The following NKX2-4 variants were observed in gnomAD, a reference collection of about 807,000 sequenced individuals.
The protein encoded by NKX2-4 is NK2 homeobox 4, also known as homeobox protein Nkx-2.4.
In NKX2-4, 6 loss-of-function variants were observed where a neutral mutation model predicts 8.6. The observed-to-expected ratio is 0.70, with a 90% CI of 0.38 to 1.38. The LOEUF (loss-of-function observed/expected upper bound fraction) is 1.38. Ranked by LOEUF, NKX2-4 falls within the 40% of genes most tolerant of loss-of-function variation. The probability of loss-of-function intolerance (pLI) is 0.02; values close to 1 mark genes in which losing one functional copy is unlikely to be tolerated. For missense variants in NKX2-4, 601 were observed against 548.4 expected (o/e 1.10, Z -0.96); for synonymous variants, 299 against 272.6 (o/e 1.10, Z -0.95).
In NKX2-4 at chr20:21,397,509, G is replaced by C; in HGVS notation, c.-110C>G. 1 of 1,186,850 alleles carries C rather than the reference G, an allele frequency of 8.4e-7. No individual in the cohort carries two copies. 73.5% of individuals were successfully genotyped at this position (1,186,850 alleles called of 1,614,324 possible). ...GCAGCTGAGCCTGTGACGAGGAGTC[G>C]GCGGCTCGGCGAGCCCCCCGGGCTG... On this transcript the variant is annotated 5_prime_UTR_variant, in exon 1 of 2. Coordinates refer to ENST00000351817, the MANE Select transcript of NKX2-4 (RefSeq NM_033176.2).
At position 21,397,200 on chromosome 20, in the gene NKX2-4, G is replaced by T; in HGVS notation, c.200C>A (p.Pro67His). 1 of 1,255,178 alleles carries T rather than the reference G, an allele frequency of 8.0e-7. No homozygotes were observed. 77.8% of individuals were successfully genotyped at this position (1,255,178 alleles called of 1,614,324 possible). The change falls in exon 1 of 2, where the codon CCT (proline) becomes CAT (histidine). Residue 67 changes from proline to histidine, a missense_variant. Transcript: ENST00000351817. ...GTTGTGACCCGCCATGGCGTGAGAA[G>T]GCTGCATGCCCGCCACGGTCGCCGC... ...SQAATVAGMQ[P>H]SHAMAGHNAA...
Position 21,396,196 on chromosome 20 carries a change from G to T in NKX2-4, c.780C>A (p.Gly260=). 3 of 1,546,982 alleles carry T rather than the reference G, an allele frequency of 1.9e-6. No homozygotes were observed. Among genetic ancestry groups the T allele is most frequent in the Non-Finnish European group, 2.6e-6 (3 of 1,150,866 alleles). ...DKAAQQLQQE[G]GLGPPPPPPP... is the part of the protein sequence containing the mutation. ...GCGGAGGCGGCGGCGGGCCCAGGCC[G>T]CCCTCCTGCTGCAGCTGCTGCGCCG... The change falls in exon 2 of 2, where the codon GGC becomes GGA. Residue 260 remains glycine (G), a synonymous_variant. Coordinates refer to ENST00000351817, the MANE Select transcript of NKX2-4 (RefSeq NM_033176.2).
At chr20:21,396,820 G>C (rs982808634) in intron 1 of NKX2-4, 138 bp downstream of exon 1, 1 of 746,822 alleles carries the variant, frequency 1.3e-6, no homozygotes. Context: ...CCCGGGCCGC[G>C]TCCCAGGACG....
Position 21,397,489 on chromosome 20 carries a change from T to A in NKX2-4, c.-90A>T. ...TCGCCGCCACCTCGGCCGCGGCAGC[T>A]GAGCCTGTGACGAGGAGTCGGCGGC... On this transcript the variant is annotated 5_prime_UTR_variant, in exon 1 of 2. Transcript: ENST00000351817. The A allele has an allele frequency of 8.3e-7, 1 of 1,212,054 alleles. No individual in the cohort carries two copies. Among genetic ancestry groups the A allele is most frequent in the Non-Finnish European group, 1.0e-6 (1 of 977,984 alleles). 75.1% of individuals were successfully genotyped at this position (1,212,054 alleles called of 1,614,324 possible). A position where few individuals can be genotyped will look rare whatever the true frequency, so the allele number is the denominator to read the frequency against.
At position 21,396,999 on chromosome 20, in the gene NKX2-4, G is replaced by A. The variant is rs1395057967; in HGVS notation, c.401C>T (p.Thr134Ile). The A allele has an allele frequency of 4.1e-6, 6 of 1,478,074 alleles. No homozygotes were observed. The highest frequency in any genetic ancestry group is 5.4e-6 in the Non-Finnish European group (6 of 1,118,250). 91.6% of individuals were successfully genotyped at this position (1,478,074 alleles called of 1,614,324 possible). A position where few individuals can be genotyped will look rare whatever the true frequency, so the allele number is the denominator to read the frequency against. Residue 134 changes from threonine to isoleucine, a missense_variant, in exon 1 of 2, where the codon ACC (threonine) becomes ATC (isoleucine). Physicochemically the swap from Thr to Ile is moderately conservative, Grantham distance 89. Transcript: ENST00000351817. ...GTCCGGGTTGGCGCCGTACCAGCCG[G>A]TGGCCGCGCCGCCCCGCATGCCGTC... ...YTDGMRGGAA[T>I]GWYGANPDPR... is the part of the protein sequence containing the mutation.
At chr20:21,396,805 C>T (rs146009377) in intron 1 of NKX2-4, among the ~76,000 whole-genome samples, 153 bp downstream of exon 1, 5 of 150,880 alleles carry the variant, frequency 3.3e-5, no homozygotes, top group African/African-American at 9.7e-5. Context: ...AGAAACCCCG[C>T]GCGTCCCGGG....
rs2039009993 is a variant in NKX2-4, at chr20:21,395,747, G to T, written c.*164C>A. 2.0e-6 allele frequency: 1 copy of T among 507,334 alleles called. No homozygotes were observed. Among genetic ancestry groups the T allele is most frequent in the Non-Finnish European group, 3.1e-6 (1 of 324,510 alleles). 31.4% of individuals were successfully genotyped at this position (507,334 alleles called of 1,614,324 possible). ...GGTTTCCGGGCTGTCGCTGTCCCCC[G>T]CCCCCAGCAAGAGGTTCACAGCCTG... On this transcript the variant is annotated 3_prime_UTR_variant, in exon 2 of 2. Coordinates refer to ENST00000351817, the MANE Select transcript of NKX2-4 (RefSeq NM_033176.2).
chr20:21,397,168 C>T lies in NKX2-4; in HGVS notation c.232G>A (p.Ala78Thr), dbSNP rs1232098855. The T allele has an allele frequency of 1.6e-6, 2 of 1,263,550 alleles. No individual in the cohort carries two copies. Among genetic ancestry groups the T allele is most frequent in the Admixed American group, 4.4e-5 (1 of 22,964 alleles). The allele number at this position is 1,263,550 out of a possible 1,614,324, so 78.3% of individuals were successfully genotyped here. Residue 78 changes from alanine to threonine, a missense_variant, in exon 1 of 2, where the codon GCC becomes ACC. Ala to Thr is a moderately conservative substitution (Grantham distance 58, BLOSUM62 0). Coordinates refer to ENST00000351817, the MANE Select transcript of NKX2-4 (RefSeq NM_033176.2). ...GCAGCTGCTGCCGCCGCCGCCGCGG[C>T]CGCCGCGTTGTGACCCGCCATGGCG... ...SHAMAGHNAA[A>T]AAAAAAAAAA...
rs1224852176 is a variant in NKX2-4, at chr20:21,396,508, C to T, written c.468G>A (p.Ala156=). ...SSISRFMGPS[A]GVNVAGMGSL... The stretch of plus-strand genomic sequence containing the variant: ...ACCCCATGCCGGCCACATTCACGCC[C>T]GCCGACGGCCCCATGAACCTGGAGA... The change falls in exon 2 of 2, where the codon GCG becomes GCA. Residue 156 remains alanine (A), a synonymous_variant. Transcript: ENST00000351817. The T allele has an allele frequency of 4.9e-6, 7 of 1,436,972 alleles. No individual in the cohort carries two copies. The highest frequency in any genetic ancestry group is 6.3e-6 in the Non-Finnish European group (7 of 1,110,620). The allele number at this position is 1,436,972 out of a possible 1,614,324, so 89.0% of individuals were successfully genotyped here. A position where few individuals can be genotyped will look rare whatever the true frequency, so the allele number is the denominator to read the frequency against.
At position 21,397,389 on chromosome 20, in the gene NKX2-4, C is replaced by T. The variant is rs2039038147; in HGVS notation, c.11G>A (p.Ser4Asn). Residue 4 changes from serine (S) to asparagine (N), a missense_variant, in exon 1 of 2, where the codon AGC becomes AAC. Coordinates refer to ENST00000351817, the MANE Select transcript of NKX2-4 (RefSeq NM_033176.2). ...GGAGAAGGGCGTCGTGTGCTTTGGG[C>T]TCAACGACATGGCTCGGCGGGCAGC... MSL[S>N]PKHTTPFSVS... is the part of the protein sequence containing the mutation. The T allele has an allele frequency of 7.1e-7, 1 of 1,410,600 alleles. No homozygotes were observed. The highest frequency in any genetic ancestry group is 9.2e-7 in the Non-Finnish European group (1 of 1,081,478). 87.4% of individuals were successfully genotyped at this position (1,410,600 alleles called of 1,614,324 possible).
In NKX2-4 at chr20:21,397,489, T is replaced by C; in HGVS notation, c.-90A>G. 1 of 1,212,054 alleles carries C rather than the reference T, an allele frequency of 8.3e-7. No individual in the cohort carries two copies. The highest frequency in any genetic ancestry group is 1.0e-6 in the Non-Finnish European group (1 of 977,984). 75.1% of individuals were successfully genotyped at this position (1,212,054 alleles called of 1,614,324 possible). On this transcript the variant is annotated 5_prime_UTR_variant, in exon 1 of 2. Transcript: ENST00000351817. ...TCGCCGCCACCTCGGCCGCGGCAGC[T>C]GAGCCTGTGACGAGGAGTCGGCGGC...
At position 21,396,354 on chromosome 20, in the gene NKX2-4, A is replaced by G; in HGVS notation, c.622T>C (p.Phe208Leu). The G allele has an allele frequency of 6.3e-7, 1 of 1,599,538 alleles. No individual in the cohort carries two copies. The highest frequency in any genetic ancestry group is 8.5e-7 in the Non-Finnish European group (1 of 1,174,964). The change falls in exon 2 of 2, where the codon TTC becomes CTC. Residue 208 changes from phenylalanine to leucine, a missense_variant. Phe to Leu is a conservative substitution (Grantham distance 22, BLOSUM62 0). Coordinates refer to ENST00000351817, the MANE Select transcript of NKX2-4 (RefSeq NM_033176.2). ...QAQVYELERR[F>L]KQQKYLSAPE... ...GCCGACAGGTACTTCTGCTGCTTGA[A>G]GCGCCGCTCCAGCTCGTAGACCTGC...
chr20:21,395,833 T>C lies in NKX2-4; in HGVS notation c.*78A>G, dbSNP rs1025358832. ...TTACACGCGCGAGTCGGTTTTCGCA[T>C]GCCTCCCCCATCCGTTCTAGCAGTT... is the stretch of plus-strand genomic sequence containing the variant. On this transcript the variant is annotated 3_prime_UTR_variant, in exon 2 of 2. Coordinates refer to ENST00000351817, the MANE Select transcript of NKX2-4 (RefSeq NM_033176.2). The C allele has an allele frequency of 7.5e-6, 9 of 1,204,574 alleles. No individual in the cohort carries two copies. The highest frequency in any genetic ancestry group is 4.7e-5 in the African/African-American group (3 of 64,114). 74.6% of individuals were successfully genotyped at this position (1,204,574 alleles called of 1,614,324 possible). A position where few individuals can be genotyped will look rare whatever the true frequency, so the allele number is the denominator to read the frequency against.
intron 1 of NKX2-4, 121 bp downstream of exon 1, chr20:21,396,837 G>A (rs1347087551): frequency 6.7e-5 from 60 of 895,640 alleles, no homozygotes; most frequent in Non-Finnish European, 8.7e-5. Flanking sequence ...GACGCCCCGC[G>A]CGCCCGCTCG....
Position 21,396,057 on chromosome 20 carries a change from TCGGGGCCGGCGG to T in NKX2-4, c.907_918del (p.Pro303_Pro306del), listed in dbSNP as rs2039014626. 11 of 1,269,640 alleles carry T rather than the reference TCGGGGCCGGCGG, an allele frequency of 8.7e-6. No individual in the cohort carries two copies. Among genetic ancestry groups the T allele is most frequent in the Non-Finnish European group, 1.1e-5 (11 of 1,016,034 alleles). The allele number at this position is 1,269,640 out of a possible 1,614,324, so 78.6% of individuals were successfully genotyped here. A position where few individuals can be genotyped will look rare whatever the true frequency, so the allele number is the denominator to read the frequency against. On this transcript the variant is annotated inframe_deletion, in exon 2 of 2. Transcript: ENST00000351817. ...AGCTCCTCCAGCTCAGGTGCTGGCG[TCGGGGCCGGCGG>T]CTGCGGACCGGCCTGGCCGGGGGTG...
chr20:21,395,848 T>C lies in NKX2-4; in HGVS notation c.*63A>G. 1 of 1,262,662 alleles carries C rather than the reference T, an allele frequency of 7.9e-7. No homozygotes were observed. The highest frequency in any genetic ancestry group is 1.0e-6 in the Non-Finnish European group (1 of 992,884). The allele number at this position is 1,262,662 out of a possible 1,614,324, so 78.2% of individuals were successfully genotyped here. A position where few individuals can be genotyped will look rare whatever the true frequency, so the allele number is the denominator to read the frequency against. On this transcript the variant is annotated 3_prime_UTR_variant, in exon 2 of 2. Transcript: ENST00000351817. ...GGTTTTCGCATGCCTCCCCCATCCG[T>C]TCTAGCAGTTTCTTGCAGACCCTTC...
chr20:21,396,006 C>G lies in NKX2-4; in HGVS notation c.970G>C (p.Gly324Arg). Residue 324 changes from glycine (G) to arginine (R), a missense_variant, in exon 2 of 2, where the codon GGC (glycine) becomes CGC (arginine). Physicochemically the swap from Gly to Arg is moderately radical, Grantham distance 125 (BLOSUM62 -2). Transcript: ENST00000351817. The part of the protein sequence containing the change: ...ELSPSPPALH[G>R]PGGGLAALDA... ...AGGGCCGCCAGGCCGCCCCCCGGGCCGTGCAGCGCGGGTGGGCTGGGCGAC... is the reference window on the plus strand; with the variant it reads ...AGGGCCGCCAGGCCGCCCCCCGGGCGGTGCAGCGCGGGTGGGCTGGGCGAC... 1 of 1,252,932 alleles carries G rather than the reference C, an allele frequency of 8.0e-7. No individual in the cohort carries two copies. The highest frequency in any genetic ancestry group is 1.0e-6 in the Non-Finnish European group (1 of 1,002,310). 77.6% of individuals were successfully genotyped at this position (1,252,932 alleles called of 1,614,324 possible). A position where few individuals can be genotyped will look rare whatever the true frequency, so the allele number is the denominator to read the frequency against.
chr20:21,397,496 G>C lies in NKX2-4; in HGVS notation c.-97C>G, dbSNP rs1185484828. 2.3e-5 allele frequency: 28 copies of C among 1,202,980 alleles called. No individual in the cohort carries two copies. The highest frequency in any genetic ancestry group is 2.8e-5 in the Non-Finnish European group (27 of 971,436). 74.5% of individuals were successfully genotyped at this position (1,202,980 alleles called of 1,614,324 possible). A position where few individuals can be genotyped will look rare whatever the true frequency, so the allele number is the denominator to read the frequency against. On this transcript the variant is annotated 5_prime_UTR_variant, in exon 1 of 2. Transcript: ENST00000351817. ...CACCTCGGCCGCGGCAGCTGAGCCT[G>C]TGACGAGGAGTCGGCGGCTCGGCGA...
At chr20:21,396,675 G>C (rs1233309996) in intron 1 of NKX2-4, 142 bp from the exon 2 acceptor site, 4 of 722,820 alleles carry the variant, frequency 5.5e-6, no homozygotes, top group Admixed American at 8.7e-5. Context: ...CGCGGCCTCC[G>C]GCCCCAGCAC....
Sources: gnomAD v4.1 joint callset for allele counts (sites outside exome capture counted in the v4.1 genomes callset) on GRCh38, gnomAD v4.1.1 for gene constraint, MANE v1.5 for transcripts, NCBI Gene and HGNC (gene_info 2026-07-23, HGNC 2026-07-21) for gene names.